Variants in CD300LB observed in about 807,000 individuals in gnomAD.
The protein encoded by CD300LB is CMRF35-like molecule 7.
A neutral mutation model predicts 20.8 loss-of-function variants in CD300LB; 18 were observed. That is an observed-to-expected ratio of 0.87 (90% CI 0.60 to 1.28). The LOEUF is 1.28. Ranked by LOEUF, CD300LB falls within the 50% of genes most tolerant of loss-of-function variation. The pLI is 0.00. For synonymous variants in CD300LB, 91 were observed against 91.3 expected (o/e 1.00, Z 0.02); for missense variants, 222 against 251.8 (o/e 0.88, Z 0.80).
rs1305971604 is a variant in CD300LB at position 74,522,573 on chromosome 17, G to C, written c.*165C>G. ...CAGGAGAGGACCTGGCTAAGTCCCT[G>C]AGCTGTGCAGAACAGGGAGGTGCCC... On this transcript the variant is annotated 3_prime_UTR_variant, in exon 4 of 4. Coordinates refer to ENST00000392621, the MANE Select transcript of CD300LB (RefSeq NM_174892.4). 2.1e-6 allele frequency: 3 copies of C among 1,430,480 alleles called. No homozygotes were observed. The highest frequency in any genetic ancestry group is 2.7e-6 in the Non-Finnish European group (3 of 1,094,194). 88.6% of individuals were successfully genotyped at this position (1,430,480 alleles called of 1,614,324 possible).
In CD300LB at chr17:74,522,807, A is replaced by T. The variant is rs768024754; in HGVS notation, c.537T>A (p.Pro179=). Residue 179 remains proline, a synonymous_variant, in exon 4 of 4, where the codon CCT becomes CCA. Transcript: ENST00000392621. ...ILWLKGSQRV[P]EEPGEQPIYM... Reference sequence around the variant, plus strand: ...AGATAGGCTGTTCCCCTGGCTCCTCAGGGACCCTCTGAGACCCCTTCAACC... The same window carrying T: ...AGATAGGCTGTTCCCCTGGCTCCTCTGGGACCCTCTGAGACCCCTTCAACC... 6.2e-7 allele frequency: 1 copy of T among 1,614,108 alleles called. No homozygotes were observed. Among genetic ancestry groups the T allele is most frequent in the South Asian group, 1.1e-5 (1 of 91,084 alleles).
In CD300LB at chr17:74,521,845, A is replaced by T; in HGVS notation, c.*893T>A. ...ATCGCCGTGGGTGAAGCCTGTGAGG[A>T]GACAGAACCACTTCCCTAGGACAGT... On this transcript the variant is annotated 3_prime_UTR_variant, in exon 4 of 4. Coordinates refer to ENST00000392621, the MANE Select transcript of CD300LB (RefSeq NM_174892.4). 1 of 985,504 alleles carries T rather than the reference A, an allele frequency of 1.0e-6. No homozygotes were observed. Among genetic ancestry groups the T allele is most frequent in the South Asian group, 4.7e-5 (1 of 21,296 alleles). The allele number at this position is 985,504 out of a possible 1,614,324, so 61.0% of individuals were successfully genotyped here.
rs759025254 is a variant in CD300LB at position 74,525,878 on chromosome 17, G to T, written c.240C>A (p.Asp80Glu). Residue 80 changes from aspartate to glutamate, a missense_variant, in exon 2 of 4, where the codon GAC (aspartate) becomes GAA (glutamate). Physicochemically the swap from Asp to Glu is conservative, Grantham distance 45 (BLOSUM62 2). Coordinates refer to ENST00000392621, the MANE Select transcript of CD300LB (RefSeq NM_174892.4). ...CAGTGAACGTGCGGTCTTTCTGATTGTCCTTGATGGACACACGGTCACTCT... is the reference window on the plus strand; with the variant it reads ...CAGTGAACGTGCGGTCTTTCTGATTTTCCTTGATGGACACACGGTCACTCT... Reference protein sequence around the residue: ...GEKSDRVSIKDNQKDRTFTVT... With the variant: ...GEKSDRVSIKENQKDRTFTVT... 6.2e-7 allele frequency: 1 copy of T among 1,613,962 alleles called. No homozygotes were observed. Among genetic ancestry groups the T allele is most frequent in the Admixed American group, 1.7e-5 (1 of 59,990 alleles).
At chr17:74,525,242 T>C in intron 2 of CD300LB, among the ~76,000 whole-genome samples, 1 of 152,120 alleles carries the variant, frequency 6.6e-6, no homozygotes, top group East Asian at 1.9e-4. Flanking sequence ...AAGCGTCCAC[T>C]GTCACCCATG....
At chr17:74,530,477 C>G (rs1332347140) in intron 1 of CD300LB, among the ~76,000 whole-genome samples, 1 of 151,904 alleles carries the variant, frequency 6.6e-6, no homozygotes, top group Non-Finnish European at 1.5e-5. Context: ...CCAAGACATC[C>G]TGCACACTGA....
At chr17:74,525,620 T>G (rs1908005817) in intron 2 of CD300LB, 128 bp downstream of exon 2, 1 of 794,426 alleles carries the variant, frequency 1.3e-6, no homozygotes, top group African/African-American at 1.7e-5. Context: ...TCTGTCTGTC[T>G]GTCTCTCTCT....
intron 1 of CD300LB, 139 bp downstream of exon 1, chr17:74,531,172 G>T: frequency 1.0e-6 from 1 of 967,680 alleles, no homozygotes; most frequent in Non-Finnish European, 1.4e-6. Context: ...CGAAGCACAC[G>T]ATGTCAGTCC....
Position 74,523,456 on chromosome 17 carries a change from C to T in CD300LB, c.443+123G>A, listed in dbSNP as rs915405738. 8 of 733,816 alleles carry T rather than the reference C, an allele frequency of 1.1e-5. No individual in the cohort carries two copies. The Admixed American group carries it at 1.3e-4, about 12-fold the overall frequency. The allele number at this position is 733,816 out of a possible 1,614,324, so 45.5% of individuals were successfully genotyped here. On this transcript the variant is annotated intron_variant, in intron 3 of 3. Coordinates refer to ENST00000392621, the MANE Select transcript of CD300LB (RefSeq NM_174892.4). ...GGGCAGGAGAGAGATGGAGGGTGGG[C>T]TTGGGGCCTTGACTCTGGCTAGAAC... is the stretch of plus-strand genomic sequence containing the variant.
intron 2 of CD300LB, 108 bp downstream of exon 2, chr17:74,525,640 T>TCTCTC: frequency 1.1e-6 from 1 of 925,178 alleles, no homozygotes; most frequent in South Asian, 1.6e-5. Flanking sequence ...TCTCTCTCTC[T>TCTCTC]TAGGCTCACC....
intron 1 of CD300LB, among the ~76,000 whole-genome samples, chr17:74,528,825 T>TA (rs1286274929): frequency 7.2e-5 from 11 of 152,120 alleles, no homozygotes; most frequent in African/African-American, 2.4e-4. Flanking sequence ...ACTTTGAAGG[T>TA]GGTAATAGGA....
At position 74,525,891 on chromosome 17, in the gene CD300LB, A is replaced by G. The variant is rs112562175; in HGVS notation, c.227T>C (p.Val76Ala). ...GSEQGEKSDR[V>A]SIKDNQKDRT... ...GTCTTTCTGATTGTCCTTGATGGACACACGGTCACTCTTCTCTCCTTGCTC... is the reference window on the plus strand; with the variant it reads ...GTCTTTCTGATTGTCCTTGATGGACGCACGGTCACTCTTCTCTCCTTGCTC... The change falls in exon 2 of 4, where the codon GTG becomes GCG. Residue 76 changes from valine (V) to alanine (A), a missense_variant. Physicochemically the swap from Val to Ala is moderately conservative, Grantham distance 64 (BLOSUM62 0). Transcript: ENST00000392621. The G allele has an allele frequency of 1.9e-6, 3 of 1,614,190 alleles. No individual in the cohort carries two copies. Among genetic ancestry groups the G allele is most frequent in the Non-Finnish European group, 2.5e-6 (3 of 1,180,038 alleles).
intron 1 of CD300LB, among the ~76,000 whole-genome samples, chr17:74,529,419 C>G (rs1351057518): frequency 1.3e-5 from 2 of 152,168 alleles, no homozygotes; most frequent in Non-Finnish European, 1.5e-5. Context: ...CCTCAGCTTT[C>G]CTCTCCATAC....
chr17:74,525,605 G>C, intron 2 of CD300LB, 143 bp downstream of exon 2: 1 of 731,706 alleles, frequency 1.4e-6, no homozygotes, highest in South Asian at 1.8e-5. Flanking sequence ...CAGTTTGTCT[G>C]CCTGTCTGTC....
Position 74,523,573 on chromosome 17 carries a change from A to G in CD300LB, c.443+6T>C. ...TAGGGGCAGGAGAAAGAACCACATG[A>G]CTCACCTCTTGTGGGAGCCGATGAA... On this transcript the variant is annotated splice_donor_region_variant and intron_variant, in intron 3 of 3. Transcript: ENST00000392621. The G allele has an allele frequency of 6.2e-7, 1 of 1,605,374 alleles. No homozygotes were observed. The highest frequency in any genetic ancestry group is 8.5e-7 in the Non-Finnish European group (1 of 1,172,432).
At position 74,523,570 on chromosome 17, in the gene CD300LB, A is replaced by G. The variant is rs375010301; in HGVS notation, c.443+9T>C. The G allele has an allele frequency of 6.9e-5, 110 of 1,603,570 alleles. No homozygotes were observed. In the African/African-American group the frequency reaches 1.1e-3, roughly 16 times the overall value. On this transcript the variant is annotated intron_variant, in intron 3 of 3. Coordinates refer to ENST00000392621, the MANE Select transcript of CD300LB (RefSeq NM_174892.4). ...AGGTAGGGGCAGGAGAAAGAACCAC[A>G]TGACTCACCTCTTGTGGGAGCCGAT...
intron 3 of CD300LB, chr17:74,523,320 C>T: frequency 1.8e-6 from 1 of 557,500 alleles, no homozygotes; most frequent in African/African-American, 1.9e-5. Context: ...CATTAGGCCA[C>T]CAATGCAAGG....
At chr17:74,530,813 A>AT (rs144890805) in intron 1 of CD300LB, among the ~76,000 whole-genome samples, 62,587 of 149,536 alleles carry the variant, frequency 0.42, 14,863 homozygotes, top group Middle Eastern at 0.62. Flanking sequence ...TTTTTACTTT[A>AT]TTTTTTTTTT....
chr17:74,526,174 T>C, intron 1 of CD300LB, 97 bp from the exon 2 acceptor site: 1 of 1,501,780 alleles, frequency 6.7e-7, no homozygotes, highest in African/African-American at 1.4e-5. Context: ...AGAAACAGCC[T>C]GGAAAACAAA....
chr17:74,526,902 G>A (rs1257252764), intron 1 of CD300LB, among the ~76,000 whole-genome samples: 1 of 152,134 alleles, frequency 6.6e-6, no homozygotes, highest in East Asian at 1.9e-4. Flanking sequence ...TCCCTCTCCA[G>A]CCTTCATCTT....
Sources: allele counts gnomAD v4.1 joint callset (sites outside exome capture counted in the v4.1 genomes callset), GRCh38; gene constraint gnomAD v4.1.1; transcripts MANE v1.5; gene names NCBI Gene and HGNC (gene_info 2026-07-23, HGNC 2026-07-21).